KLRG1: variants seen among roughly 807,000 people sequenced by gnomAD.
The protein encoded by KLRG1 is killer cell lectin-like receptor subfamily G member 1.
A neutral mutation model predicts 21.8 loss-of-function variants in KLRG1; 16 were observed. The observed-to-expected ratio is 0.73, with a 90% confidence interval of 0.50 to 1.11. The LOEUF (loss-of-function observed/expected upper bound fraction) is 1.11. Among genes scored for constraint, KLRG1 ranks in the 50% most tolerant of loss-of-function variants. KLRG1 has a pLI of 0.00. For missense variants in KLRG1, 173 were observed against 218.3 expected (o/e 0.79, Z 1.31); for synonymous variants, 69 against 75.9 (o/e 0.91, Z 0.47).
the KLRG1 span, among the ~76,000 whole-genome samples, chr12:9,200,637 G>A: frequency 6.6e-6 from 1 of 152,122 alleles, no homozygotes; most frequent in Non-Finnish European, 1.5e-5. Flanking sequence ...TGAGCACAGC[G>A]GGTCTCAGTG....
At chr12:9,029,782 A>C in the KLRG1 span, among the ~76,000 whole-genome samples, 1 of 152,002 alleles carries the variant, frequency 6.6e-6, no homozygotes, top group Non-Finnish European at 1.5e-5. Flanking sequence ...TATTTGAGAC[A>C]GTCTCACTCT....
At chr12:9,181,986 GACA>G in the KLRG1 span, 1 of 1,613,418 alleles carries the variant, frequency 6.2e-7, no homozygotes, top group South Asian at 1.1e-5. Flanking sequence ...TTGTTGGCTA[GACA>G]GTTTTCAATC....
the KLRG1 span, among the ~76,000 whole-genome samples, chr12:9,040,458 A>T: frequency 6.6e-6 from 1 of 152,200 alleles, no homozygotes; most frequent in African/African-American, 2.4e-5. Flanking sequence ...GGACACTTTC[A>T]TATTGTTCAA....
At chr12:9,031,026 T>G in the KLRG1 span, among the ~76,000 whole-genome samples, 604 of 152,350 alleles carry the variant, frequency 4.0e-3, 2 homozygotes, top group Middle Eastern at 6.8e-3. Flanking sequence ...TAGCTTGCAA[T>G]GGCATGAGAC....
chr12:9,181,428 T>A, the KLRG1 span, among the ~76,000 whole-genome samples: 2 of 152,234 alleles, frequency 1.3e-5, no homozygotes, highest in African/African-American at 4.8e-5. Flanking sequence ...GCTTACCTAC[T>A]CCAGTGATCA....
the KLRG1 span, among the ~76,000 whole-genome samples, chr12:9,156,535 G>C: frequency 6.6e-6 from 1 of 152,202 alleles, no homozygotes; most frequent in African/African-American, 2.4e-5. Context: ...GGGAATTTAG[G>C]GGGTATGGAA....
chr12:9,194,784 T>G, the KLRG1 span, among the ~76,000 whole-genome samples: 54 of 152,268 alleles, frequency 3.5e-4, no homozygotes, highest in Non-Finnish European at 6.3e-4. Flanking sequence ...AGATTTTTAA[T>G]AACTACAACT....
intron 1 of KLRG1, among the ~76,000 whole-genome samples, chr12:8,961,387 A>G (rs1946378521): frequency 1.3e-5 from 2 of 152,096 alleles, no homozygotes; most frequent in Non-Finnish European, 2.9e-5. Context: ...TGTGTTCCAT[A>G]AAAAGAGATG....
At chr12:9,082,864 G>C in the KLRG1 span, among the ~76,000 whole-genome samples, 2,433 of 152,302 alleles carry the variant, frequency 0.016, 69 homozygotes, top group African/African-American at 0.056. Flanking sequence ...ATTGTGAATA[G>C]TGCCACAATA....
At chr12:9,024,316 C>T in the KLRG1 span, among the ~76,000 whole-genome samples, 2 of 152,110 alleles carry the variant, frequency 1.3e-5, no homozygotes, top group Admixed American at 6.5e-5. Flanking sequence ...TGTGAGCCAC[C>T]GTGCCTGGCC....
the KLRG1 span, among the ~76,000 whole-genome samples, chr12:9,056,010 T>G: frequency 6.6e-6 from 1 of 152,218 alleles, no homozygotes; most frequent in East Asian, 1.9e-4. Context: ...AAATCTGATA[T>G]CAACTAATAA....
intron 3 of KLRG1, among the ~76,000 whole-genome samples, chr12:9,000,821 T>C (rs12824212): frequency 0.31 from 47,689 of 152,096 alleles, 8,011 homozygotes; most frequent in East Asian, 0.4. Context: ...CTGCTGTGAA[T>C]TTGGATATCC....
chr12:9,034,700 G>A, the KLRG1 span, among the ~76,000 whole-genome samples: 1 of 152,214 alleles, frequency 6.6e-6, no homozygotes, highest in Admixed American at 6.5e-5. Context: ...GCCCGCCTCG[G>A]CCTCCCAAAG....
At chr12:9,110,113 A>T in the KLRG1 span, 27 of 1,480,816 alleles carry the variant, frequency 1.8e-5, no homozygotes, top group East Asian at 5.9e-4. Flanking sequence ...TGGAAACCCT[A>T]AGTTATCTAC....
the KLRG1 span, among the ~76,000 whole-genome samples, chr12:9,158,752 C>CTTTTTTTTTTT: frequency 3.1e-5 from 3 of 97,816 alleles, no homozygotes; most frequent in Non-Finnish European, 5.9e-5. Context: ...TTTTTCTTTT[C>CTTTTTTTTTTT]TTTTCTTTTT....
At chr12:9,109,963 G>A in the KLRG1 span, 67 of 1,613,708 alleles carry the variant, frequency 4.2e-5, no homozygotes, top group East Asian at 8.5e-4. Context: ...GATGAGAGGG[G>A]AAAAGAAAAT....
intron 1 of KLRG1, among the ~76,000 whole-genome samples, chr12:8,979,347 C>T (rs1434403816): frequency 6.6e-6 from 1 of 152,104 alleles, no homozygotes; most frequent in Admixed American, 6.5e-5. Flanking sequence ...ATAATTTTTC[C>T]AAGTATAGTA....
the KLRG1 span, chr12:9,112,203 G>A: frequency 2.9e-5 from 46 of 1,613,710 alleles, no homozygotes; most frequent in Middle Eastern, 1.6e-4. Flanking sequence ...GAGACAACAC[G>A]AAATTTCACT....
chr12:9,110,271 T>C, the KLRG1 span: 3 of 1,397,054 alleles, frequency 2.1e-6, no homozygotes, highest in African/African-American at 4.3e-5. Flanking sequence ...TTTCCCTATA[T>C]GTATTGCTTT....
Sources: gnomAD v4.1 joint callset for allele counts (sites outside exome capture counted in the v4.1 genomes callset) on GRCh38, gnomAD v4.1.1 for gene constraint, MANE v1.5 for transcripts, NCBI Gene and HGNC (gene_info 2026-07-23, HGNC 2026-07-21) for gene names.